The following KIAA2012 variants were observed in gnomAD, a reference collection of about 807,000 sequenced individuals.
KIAA2012 encodes the protein uncharacterized protein KIAA2012.
Under a neutral mutation model 150.6 loss-of-function variants are expected in KIAA2012, and 125 were observed. That is an observed-to-expected ratio of 0.83 (90% CI 0.72 to 0.96). KIAA2012 has a LOEUF of 0.96. Among genes scored for constraint, KIAA2012 ranks in the 40% least tolerant of loss-of-function variants. The probability of loss-of-function intolerance (pLI) is 0.00; values close to 1 mark genes in which losing one functional copy is unlikely to be tolerated. For missense variants in KIAA2012, 1,219 were observed against 1,354.9 expected, an observed-to-expected ratio of 0.90 and a Z score of 1.57; for synonymous variants, 462 against 504.7, an observed-to-expected ratio of 0.92 and a Z score of 1.13.
At chr2:202,173,142 C>G (rs1181301756) in intron 15 of KIAA2012, among the ~76,000 whole-genome samples, 2 of 152,214 alleles carry the variant, frequency 1.3e-5, no homozygotes, top group Non-Finnish European at 2.9e-5. Flanking sequence ...CCCAGAGTCC[C>G]AGAGAACAGC....
chr2:202,106,166 A>T (rs1690185516), intron 9 of KIAA2012, among the ~76,000 whole-genome samples: 2 of 151,990 alleles, frequency 1.3e-5, no homozygotes, highest in African/African-American at 4.8e-5. Context: ...TGTCCAGCTC[A>T]CCAGTTACTT....
chr2:202,095,944 C>T (rs1050277785), intron 4 of KIAA2012, among the ~76,000 whole-genome samples: 1 of 152,066 alleles, frequency 6.6e-6, no homozygotes, highest in Admixed American at 6.5e-5. Context: ...ATTAGCTGGG[C>T]ATGGTGGTGC....
Position 202,194,291 on chromosome 2 carries a change from A to G in KIAA2012, c.3116A>G (p.Gln1039Arg), listed in dbSNP as rs1006224369. ...GCAGCCCAGGAGAGAGCCCGGCAAC[A>G]GCAAGAGGAGTTTCGGAGGAAACTG... is the stretch of plus-strand genomic sequence containing the variant. ...LKAAQERARQ[Q>R]QEEFRRKLRE... Residue 1039 changes from glutamine to arginine, a missense_variant, in exon 21 of 24, where the codon CAG (glutamine) becomes CGG (arginine). Coordinates refer to ENST00000498697, the MANE Select transcript of KIAA2012 (RefSeq NM_001277372.4). 7 of 1,550,528 alleles carry G rather than the reference A, an allele frequency of 4.5e-6. No individual in the cohort carries two copies. In the African/African-American group the frequency reaches 6.8e-5, roughly 15 times the overall value.
At chr2:202,129,466 C>T (rs948375249) in intron 12 of KIAA2012, among the ~76,000 whole-genome samples, 3 of 152,170 alleles carry the variant, frequency 2.0e-5, no homozygotes, top group South Asian at 2.1e-4. Context: ...GTGATCCACC[C>T]GCCTCGGCCT....
Position 202,193,157 on chromosome 2 carries a change from G to C in KIAA2012, c.2812-144G>C, listed in dbSNP as rs2105749289. 4.0e-6 allele frequency: 3 copies of C among 752,126 alleles called. No individual in the cohort carries two copies. In the South Asian group the frequency reaches 5.6e-5, roughly 14 times the overall value. The allele number at this position is 752,126 out of a possible 1,614,324, so 46.6% of individuals were successfully genotyped here. A position where few individuals can be genotyped will look rare whatever the true frequency, so the allele number is the denominator to read the frequency against. ...CCAAAAGTCCAAGCTGGTGGTGGCT[G>C]AGTCTATGCAGCTGTGGGCAAAGTG... On this transcript the variant is annotated intron_variant, in intron 19 of 23. Transcript: ENST00000498697.
At chr2:202,141,798 C>G (rs996441638) in intron 13 of KIAA2012, among the ~76,000 whole-genome samples, 4 of 152,096 alleles carry the variant, frequency 2.6e-5, no homozygotes, top group African/African-American at 9.7e-5. Flanking sequence ...ACTGGAGAAG[C>G]TTTTCCTCTC....
intron 14 of KIAA2012, among the ~76,000 whole-genome samples, chr2:202,163,096 T>A (rs1294596750): frequency 7.5e-6 from 1 of 133,330 alleles, no homozygotes; most frequent in Non-Finnish European, 1.5e-5. Flanking sequence ...TTATTTCACA[T>A]GTATATTCTT....
chr2:202,198,174 CAAAAAAAAAAA>C (rs1009971980), intron 22 of KIAA2012, among the ~76,000 whole-genome samples: 4 of 67,112 alleles, frequency 6.0e-5, no homozygotes, highest in South Asian at 6.7e-4. Flanking sequence ...GGCTCTTTCT[CAAAAAAAAAAA>C]AAAAAAAAAA....
chr2:202,176,793 G>A (rs891931983), intron 15 of KIAA2012, among the ~76,000 whole-genome samples: 1 of 151,996 alleles, frequency 6.6e-6, no homozygotes, highest in Admixed American at 6.6e-5. Flanking sequence ...AAAACAAAAA[G>A]ATATCATTTC....
At chr2:202,098,859 A>G (rs1689968930) in intron 5 of KIAA2012, among the ~76,000 whole-genome samples, 1 of 151,488 alleles carries the variant, frequency 6.6e-6, no homozygotes, top group African/African-American at 2.4e-5. Context: ...TGTTCAGAGC[A>G]ACATAGACAA....
At chr2:202,121,773 G>A (rs930507429) in intron 11 of KIAA2012, among the ~76,000 whole-genome samples, 2 of 152,142 alleles carry the variant, frequency 1.3e-5, no homozygotes, top group African/African-American at 4.8e-5. Context: ...AAGGACCTCA[G>A]AGTCGACGTG....
At chr2:202,173,512 T>A (rs1691936867) in intron 15 of KIAA2012, among the ~76,000 whole-genome samples, 1 of 152,078 alleles carries the variant, frequency 6.6e-6, no homozygotes, top group Non-Finnish European at 1.5e-5. Flanking sequence ...GAGGTTGCAG[T>A]GAGCCAAGAT....
intron 22 of KIAA2012, chr2:202,201,911 C>T (rs1378254722): frequency 4.4e-6 from 4 of 904,564 alleles, no homozygotes; most frequent in Admixed American, 3.5e-5. Context: ...CGGTTCGTCT[C>T]GGCATCAGGG....
At chr2:202,073,765 T>G in intron 1 of KIAA2012, 54 bp downstream of exon 1, 5 of 1,473,894 alleles carry the variant, frequency 3.4e-6, no homozygotes, top group Non-Finnish European at 4.6e-6. Context: ...AGGAATGCTC[T>G]ATGTTTCCAC....
intron 13 of KIAA2012, among the ~76,000 whole-genome samples, chr2:202,149,526 G>A (rs1378320990): frequency 1.3e-5 from 2 of 152,188 alleles, no homozygotes; most frequent in African/African-American, 2.4e-5. Context: ...CCTGTTCTCC[G>A]GCAGAATGAA....
At chr2:202,078,834 A>G (rs1363076277) in intron 2 of KIAA2012, among the ~76,000 whole-genome samples, 1 of 152,190 alleles carries the variant, frequency 6.6e-6, no homozygotes, top group African/African-American at 2.4e-5. Flanking sequence ...CAAGTAAATC[A>G]CTGCACCAGA....
chr2:202,192,046 A>G (rs1692333658), intron 19 of KIAA2012, among the ~76,000 whole-genome samples: 1 of 152,218 alleles, frequency 6.6e-6, no homozygotes, highest in Admixed American at 6.5e-5. Flanking sequence ...GATTCCAGGA[A>G]GATTTTCCTT....
intron 21 of KIAA2012, among the ~76,000 whole-genome samples, chr2:202,196,053 G>A (rs186123261): frequency 1.2e-4 from 19 of 152,164 alleles, no homozygotes; most frequent in Admixed American, 2.6e-4. Flanking sequence ...CTAGTAGTGG[G>A]ATTGCTGGGT....
intron 14 of KIAA2012, among the ~76,000 whole-genome samples, chr2:202,160,974 C>T (rs1691641832): frequency 6.6e-6 from 1 of 152,150 alleles, no homozygotes; most frequent in African/African-American, 2.4e-5. Context: ...CTAAGAAAGC[C>T]TGCTGTGGTC....
Sources: allele counts gnomAD v4.1 joint callset (sites outside exome capture counted in the v4.1 genomes callset), GRCh38; gene constraint gnomAD v4.1.1; transcripts MANE v1.5; gene names NCBI Gene and HGNC (gene_info 2026-07-23, HGNC 2026-07-21).